The following HSPBAP1 variants were observed in gnomAD, a reference collection of about 807,000 sequenced individuals.
HSPBAP1 encodes HSPB1 associated protein 1, also known as HSPB1-associated protein 1.
HSPBAP1 carries 27 observed loss-of-function variants against 45.2 expected under a neutral mutation model. That is an observed-to-expected ratio of 0.60 (90% CI 0.44 to 0.82). The LOEUF is 0.82. HSPBAP1 is among the 40% of genes least tolerant of loss of function. HSPBAP1 has a pLI of 0.00. For missense variants in HSPBAP1, 510 were observed against 590.9 expected (o/e 0.86, Z 1.42); for synonymous variants, 204 against 202.7 (o/e 1.01, Z -0.06).
chr3:122,793,570 C>CT (rs770782064), intron 1 of HSPBAP1, 47 bp downstream of exon 1: 283 of 1,570,820 alleles, frequency 1.8e-4, no homozygotes, highest in Non-Finnish European at 2.4e-4. Context: ...CGAGAGTCAA[C>CT]TGGCATTGGG....
Position 122,753,716 on chromosome 3 carries a change from C to G in HSPBAP1, c.742-1042G>C, listed in dbSNP as rs183216346. 123 of 984,642 alleles carry G rather than the reference C, an allele frequency of 1.2e-4. No homozygotes were observed. The East Asian group carries it at 7.3e-3, about 58-fold the overall frequency. The allele number at this position is 984,642 out of a possible 1,614,324, so 61.0% of individuals were successfully genotyped here. A position where few individuals can be genotyped will look rare whatever the true frequency, so the allele number is the denominator to read the frequency against. ...AGGACTGGGAAATAGAAAGAGAGAT[C>G]CTTTCAGGAAAACTGGAAACTATAA... On this transcript the variant is annotated intron_variant, in intron 5 of 7. Coordinates refer to ENST00000306103, the MANE Select transcript of HSPBAP1 (RefSeq NM_024610.6).
At chr3:122,791,925 C>T (rs763238162) in intron 1 of HSPBAP1, among the ~76,000 whole-genome samples, 2 of 151,954 alleles carry the variant, frequency 1.3e-5, no homozygotes, top group Non-Finnish European at 2.9e-5. Context: ...TAGAGGGGCA[C>T]AGAATAGAAA....
intron 3 of HSPBAP1, among the ~76,000 whole-genome samples, chr3:122,764,254 T>C (rs976609132): frequency 6.6e-6 from 1 of 152,240 alleles, no homozygotes; most frequent in African/African-American, 2.4e-5. Flanking sequence ...GTGGATTTTT[T>C]CCTACTCTAT....
At chr3:122,742,049 G>A (rs1009797441) in intron 6 of HSPBAP1, among the ~76,000 whole-genome samples, 5 of 151,816 alleles carry the variant, frequency 3.3e-5, no homozygotes, top group Non-Finnish European at 7.4e-5. Flanking sequence ...TTTTGCACAT[G>A]TGTGCCAGGA....
Position 122,743,012 on chromosome 3 carries a change from C to T in HSPBAP1, c.826-1899G>A, listed in dbSNP as rs189685175. Reference sequence around the variant, plus strand: ...GGGATTACTGGATCATATGGTGTATCGGAGTTCCTCAGAGAAACAGAACCA... The same window carrying T: ...GGGATTACTGGATCATATGGTGTATTGGAGTTCCTCAGAGAAACAGAACCA... On this transcript the variant is annotated intron_variant, in intron 6 of 7. Transcript: ENST00000306103. Among the ~76,000 whole-genome samples, 144 of 152,298 alleles carry T rather than the reference C, an allele frequency of 9.5e-4. 1 individual carries two copies. In the Middle Eastern group the frequency reaches 0.01, roughly 11 times the overall value.
At chr3:122,769,802 C>T (rs1284692898) in intron 2 of HSPBAP1, among the ~76,000 whole-genome samples, 4 of 152,226 alleles carry the variant, frequency 2.6e-5, no homozygotes, top group African/African-American at 9.6e-5. Context: ...GTCTCAGCCT[C>T]TCAAGTAGCT....
At position 122,741,054 on chromosome 3, in the gene HSPBAP1, C is replaced by T; in HGVS notation, c.885G>A (p.Leu295=). The T allele has an allele frequency of 6.8e-6, 11 of 1,614,172 alleles. No individual in the cohort carries two copies. Among genetic ancestry groups the T allele is most frequent in the Non-Finnish European group, 7.6e-6 (9 of 1,180,020 alleles). ...TATTTTGTGGATTCTCTGCAGTTTT[C>T]AGGGCACACACAAGCATACGGGTGA... ...EAITRMLVCA[L]KTAENPQNTR... Residue 295 remains leucine, a synonymous_variant, in exon 7 of 8, where the codon CTG becomes CTA. Coordinates refer to ENST00000306103, the MANE Select transcript of HSPBAP1 (RefSeq NM_024610.6).
intron 4 of HSPBAP1, among the ~76,000 whole-genome samples, chr3:122,756,097 A>G (rs2107509583): frequency 6.6e-6 from 1 of 152,332 alleles, no homozygotes; most frequent in African/African-American, 2.4e-5. Flanking sequence ...ATGCCAATAG[A>G]GGGAAGACAT....
At chr3:122,747,386 C>T (rs1446638903) in intron 6 of HSPBAP1, among the ~76,000 whole-genome samples, 1 of 151,132 alleles carries the variant, frequency 6.6e-6, no homozygotes, top group African/African-American at 2.4e-5. Flanking sequence ...CTGGCAACCG[C>T]CCCATCTGAG....
chr3:122,764,134 G>A (rs1358333656), intron 3 of HSPBAP1, among the ~76,000 whole-genome samples: 1 of 152,168 alleles, frequency 6.6e-6, no homozygotes, highest in Non-Finnish European at 1.5e-5. Flanking sequence ...TTTGTGTTCT[G>A]TTCCTTTAAC....
chr3:122,783,223 G>C (rs1401286696), intron 1 of HSPBAP1, among the ~76,000 whole-genome samples: 1 of 152,154 alleles, frequency 6.6e-6, no homozygotes, highest in Non-Finnish European at 1.5e-5. Context: ...ACAATTTTCT[G>C]TTTTTCCTTG....
intron 2 of HSPBAP1, among the ~76,000 whole-genome samples, chr3:122,772,957 T>A (rs1443862292): frequency 2.0e-5 from 3 of 152,070 alleles, no homozygotes; most frequent in Non-Finnish European, 2.9e-5. Context: ...TAAGCAATCC[T>A]CCTGCCTCAG....
chr3:122,757,130 T>TA (rs111261358), intron 4 of HSPBAP1, among the ~76,000 whole-genome samples: 14,592 of 152,220 alleles, frequency 0.096, 952 homozygotes, highest in African/African-American at 0.17. Context: ...TTGTTTGGGT[T>TA]AAAAAATGTA....
chr3:122,777,195 T>G (rs1935215910), intron 2 of HSPBAP1, among the ~76,000 whole-genome samples: 1 of 152,166 alleles, frequency 6.6e-6, no homozygotes, highest in African/African-American at 2.4e-5. Flanking sequence ...AAGAGCGAGC[T>G]TTACATATGT....
At chr3:122,751,636 G>A (rs1934145862) in intron 6 of HSPBAP1, among the ~76,000 whole-genome samples, 1 of 152,156 alleles carries the variant, frequency 6.6e-6, no homozygotes, top group African/African-American at 2.4e-5. Flanking sequence ...CACCTGTCAG[G>A]GCTATTGTAG....
At chr3:122,742,054 C>T (rs555366992) in intron 6 of HSPBAP1, among the ~76,000 whole-genome samples, 7 of 151,038 alleles carry the variant, frequency 4.6e-5, no homozygotes, top group African/African-American at 1.7e-4. Context: ...CACATGTGTG[C>T]CAGGAAACAT....
At chr3:122,770,424 C>T (rs1042698254) in intron 2 of HSPBAP1, among the ~76,000 whole-genome samples, 4 of 152,142 alleles carry the variant, frequency 2.6e-5, no homozygotes, top group South Asian at 2.1e-4. Context: ...ATTGGCCAGG[C>T]GTAGTGGAAC....
At chr3:122,741,719 G>T (rs1291614427) in intron 6 of HSPBAP1, 1 of 152,056 alleles carries the variant, frequency 6.6e-6, no homozygotes, top group Non-Finnish European at 1.5e-5. Flanking sequence ...ATATCAATAA[G>T]AGAAATGAGC....
intron 1 of HSPBAP1, among the ~76,000 whole-genome samples, chr3:122,778,773 A>C (rs1480710978): frequency 6.6e-6 from 1 of 152,068 alleles, no homozygotes; most frequent in Non-Finnish European, 1.5e-5. Context: ...CTCGTGATCC[A>C]CCTGCCTTGG....
Sources: gnomAD v4.1 joint callset for allele counts (sites outside exome capture counted in the v4.1 genomes callset) on GRCh38, gnomAD v4.1.1 for gene constraint, MANE v1.5 for transcripts, NCBI Gene and HGNC (gene_info 2026-07-23, HGNC 2026-07-21) for gene names.